The following MBLAC2 variants were observed in gnomAD, a reference collection of about 807,000 sequenced individuals.
The protein encoded by MBLAC2 is acyl-coenzyme A thioesterase MBLAC2.
In MBLAC2, 24 loss-of-function variants were observed where a neutral mutation model predicts 23.3. That is an observed-to-expected ratio of 1.03 (90% CI 0.75 to 1.45). MBLAC2 has a LOEUF of 1.45. Ranked by LOEUF, MBLAC2 falls within the 40% of genes most tolerant of loss-of-function variation. The probability of loss-of-function intolerance (pLI) is 0.00; values close to 1 mark genes in which losing one functional copy is unlikely to be tolerated. For synonymous variants in MBLAC2, 162 were observed against 150.9 expected (o/e 1.07, Z -0.54); for missense variants, 358 against 370.0 (o/e 0.97, Z 0.27).
Position 90,458,990 on chromosome 5 carries a change from A to C in MBLAC2, c.*2177T>G, listed in dbSNP as rs1750311541. On this transcript the variant is annotated 3_prime_UTR_variant, in exon 2 of 2. Transcript: ENST00000316610. ...TATAAATAAATCCTTCAGCAGGTTT[A>C]AATATTTCCTAATAAAACTTAGTGC... 1.3e-5 allele frequency: 2 copies of C among 152,604 alleles called. No homozygotes were observed. The highest frequency in any genetic ancestry group is 4.1e-4 in the South Asian group (2 of 4,830). 9.5% of individuals were successfully genotyped at this position (152,604 alleles called of 1,614,324 possible).
intron 1 of MBLAC2, among the ~76,000 whole-genome samples, chr5:90,462,270 G>A (rs902114795): frequency 1.1e-4 from 16 of 152,168 alleles, no homozygotes; most frequent in Non-Finnish European, 2.2e-4. Context: ...AACATGGGTG[G>A]AAAATTGCTC....
chr5:90,462,762 C>A (rs1195473402), intron 1 of MBLAC2, among the ~76,000 whole-genome samples: 2 of 152,040 alleles, frequency 1.3e-5, no homozygotes, highest in Non-Finnish European at 2.9e-5. Flanking sequence ...ATAAACAATT[C>A]AACAATGATA....
chr5:90,471,129 C>T (rs1750541507), intron 1 of MBLAC2, among the ~76,000 whole-genome samples: 1 of 152,144 alleles, frequency 6.6e-6, no homozygotes, highest in Non-Finnish European at 1.5e-5. Flanking sequence ...CAAAACAGTT[C>T]CCCCCGCCAA....
chr5:90,468,384 ATTTTT>A (rs1196370224), intron 1 of MBLAC2, among the ~76,000 whole-genome samples: 5 of 150,432 alleles, frequency 3.3e-5, no homozygotes, highest in African/African-American at 7.3e-5. Flanking sequence ...GGCCTTGTTC[ATTTTT>A]TTTTAATTCC....
At chr5:90,473,542 A>T (rs1750608327) in intron 1 of MBLAC2, 1 of 620,110 alleles carries the variant, frequency 1.6e-6, no homozygotes, top group African/African-American at 1.9e-5. Context: ...AAGTCTTTGT[A>T]GTGTTACTGC....
Position 90,474,521 on chromosome 5 carries a change from A to AGCAGAGGCTGCGCCACCAGCAC in MBLAC2, c.-251_-230dup, listed in dbSNP as rs1231440414. 1.8e-6 allele frequency: 1 copy of AGCAGAGGCTGCGCCACCAGCAC among 542,310 alleles called. No homozygotes were observed. The highest frequency in any genetic ancestry group is 3.5e-5 in the Admixed American group (1 of 28,202). The allele number at this position is 542,310 out of a possible 1,614,324, so 33.6% of individuals were successfully genotyped here. ...GCACCCTTCCGCCAGGTCGGCAGCA[A>AGCAGAGGCTGCGCCACCAGCAC]GCAGAGGCTGCGCCACCAGCACGGG... is the stretch of plus-strand genomic sequence containing the variant. On this transcript the variant is annotated 5_prime_UTR_variant, in exon 1 of 2. Transcript: ENST00000316610.
At chr5:90,466,384 G>A (rs1750446390) in intron 1 of MBLAC2, among the ~76,000 whole-genome samples, 1 of 152,142 alleles carries the variant, frequency 6.6e-6, no homozygotes, top group Admixed American at 6.5e-5. Context: ...CTGAAAATAA[G>A]TCATAAACCT....
chr5:90,470,871 T>C (rs891057581), intron 1 of MBLAC2, among the ~76,000 whole-genome samples: 1 of 152,104 alleles, frequency 6.6e-6, no homozygotes, highest in African/African-American at 2.4e-5. Context: ...TTTGTTTTAC[T>C]ATCCCCAGAG....
Position 90,460,043 on chromosome 5 carries a change from A to T in MBLAC2, c.*1124T>A, listed in dbSNP as rs1315447500. ...AATTATTATTAACAGCACCAAACTAAAACTTTTTACTAAATAGTGGTATAA... is the reference window on the plus strand; with the variant it reads ...AATTATTATTAACAGCACCAAACTATAACTTTTTACTAAATAGTGGTATAA... On this transcript the variant is annotated 3_prime_UTR_variant, in exon 2 of 2. Coordinates refer to ENST00000316610, the MANE Select transcript of MBLAC2 (RefSeq NM_203406.2). 3 of 152,718 alleles carry T rather than the reference A, an allele frequency of 2.0e-5. No individual in the cohort carries two copies. Among genetic ancestry groups the T allele is most frequent in the Admixed American group, 6.5e-5 (1 of 15,296 alleles). The allele number at this position is 152,718 out of a possible 1,614,324, so 9.5% of individuals were successfully genotyped here. A position where few individuals can be genotyped will look rare whatever the true frequency, so the allele number is the denominator to read the frequency against.
intron 1 of MBLAC2, among the ~76,000 whole-genome samples, chr5:90,471,008 T>G (rs890515333): frequency 3.3e-5 from 5 of 152,176 alleles, no homozygotes; most frequent in Admixed American, 6.5e-5. Flanking sequence ...CTATTGCAAA[T>G]TCCTGAGTTT....
chr5:90,462,678 TGATA>T (rs1331341804), intron 1 of MBLAC2, among the ~76,000 whole-genome samples: 3 of 152,106 alleles, frequency 2.0e-5, no homozygotes, highest in African/African-American at 7.2e-5. Context: ...ATCAATACAT[TGATA>T]AATAACAATT....
rs1750355644 is a variant in MBLAC2 at position 90,460,916 on chromosome 5, G to A, written c.*251C>T. On this transcript the variant is annotated 3_prime_UTR_variant, in exon 2 of 2. Transcript: ENST00000316610. ...TCTTTGCTTCCCCATAAACCTTTAT[G>A]TCATTTCTAGAGCATATATTACAAG... 3.0e-6 allele frequency: 1 copy of A among 336,806 alleles called. No homozygotes were observed. The highest frequency in any genetic ancestry group is 5.1e-5 in the East Asian group (1 of 19,728). The allele number at this position is 336,806 out of a possible 1,614,324, so 20.9% of individuals were successfully genotyped here.
At chr5:90,466,209 A>G (rs1353552728) in intron 1 of MBLAC2, among the ~76,000 whole-genome samples, 1 of 152,246 alleles carries the variant, frequency 6.6e-6, no homozygotes, top group African/African-American at 2.4e-5. Context: ...TAGACACAAT[A>G]TTGTCAATAG....
chr5:90,465,686 T>A (rs2151891755), intron 1 of MBLAC2, among the ~76,000 whole-genome samples: 1 of 152,252 alleles, frequency 6.6e-6, no homozygotes, highest in South Asian at 2.1e-4. Flanking sequence ...GCTCAAGGGA[T>A]CCTTCCAAGT....
In MBLAC2 at chr5:90,459,498, T is replaced by A. The variant is rs1750323959; in HGVS notation, c.*1669A>T. The A allele has an allele frequency of 6.6e-6, 1 of 152,128 alleles. No individual in the cohort carries two copies. Among genetic ancestry groups the A allele is most frequent in the African/African-American group, 2.4e-5 (1 of 41,450 alleles). The allele number at this position is 152,128 out of a possible 1,614,324, so 9.4% of individuals were successfully genotyped here. A position where few individuals can be genotyped will look rare whatever the true frequency, so the allele number is the denominator to read the frequency against. On this transcript the variant is annotated 3_prime_UTR_variant, in exon 2 of 2. Coordinates refer to ENST00000316610, the MANE Select transcript of MBLAC2 (RefSeq NM_203406.2). ...TATCCCTATTCTTGGATTGTTTTGT[T>A]TCCAACTCTGACTATCTAACAAGTT...
rs1434824698 is a variant in MBLAC2 at position 90,474,470 on chromosome 5, C to G, written c.-178G>C. On this transcript the variant is annotated 5_prime_UTR_variant, in exon 1 of 2. Coordinates refer to ENST00000316610, the MANE Select transcript of MBLAC2 (RefSeq NM_203406.2). Reference sequence around the variant, plus strand: ...GAATAGGAGGAGGAAGGACGCAGACCGACGCTGCCCGTAGCGTGCGCTCCC... The same window carrying G: ...GAATAGGAGGAGGAAGGACGCAGACGGACGCTGCCCGTAGCGTGCGCTCCC... 6 of 613,652 alleles carry G rather than the reference C, an allele frequency of 9.8e-6. No individual in the cohort carries two copies. Among genetic ancestry groups the G allele is most frequent in the Admixed American group, 3.1e-5 (1 of 32,700 alleles). 38.0% of individuals were successfully genotyped at this position (613,652 alleles called of 1,614,324 possible).
At position 90,474,607 on chromosome 5, in the gene MBLAC2, A is replaced by G. The variant is rs1454475642; in HGVS notation, c.-315T>C. On this transcript the variant is annotated 5_prime_UTR_variant, in exon 1 of 2. Coordinates refer to ENST00000316610, the MANE Select transcript of MBLAC2 (RefSeq NM_203406.2). ...ACGAGAGAGCTTTAACGCAGGGGCCACTGCAGCAGAATGGAGACTCAGGTG... is the reference window on the plus strand; with the variant it reads ...ACGAGAGAGCTTTAACGCAGGGGCCGCTGCAGCAGAATGGAGACTCAGGTG... 1 of 384,718 alleles carries G rather than the reference A, an allele frequency of 2.6e-6. No homozygotes were observed. The highest frequency in any genetic ancestry group is 4.8e-6 in the Non-Finnish European group (1 of 210,332). The allele number at this position is 384,718 out of a possible 1,614,324, so 23.8% of individuals were successfully genotyped here.
chr5:90,473,548 AC>A (rs576797212), intron 1 of MBLAC2: 290 of 627,626 alleles, frequency 4.6e-4, no homozygotes, highest in Non-Finnish European at 7.6e-4. Context: ...TTGTAGTGTT[AC>A]TGCTACAGCC....
At chr5:90,465,019 A>G (rs974821042) in intron 1 of MBLAC2, among the ~76,000 whole-genome samples, 14 of 152,230 alleles carry the variant, frequency 9.2e-5, no homozygotes, top group African/African-American at 2.7e-4. Context: ...AGACAGTGTA[A>G]TAAGCCAAGA....
Sources: allele counts gnomAD v4.1 joint callset (sites outside exome capture counted in the v4.1 genomes callset), GRCh38; gene constraint gnomAD v4.1.1; transcripts MANE v1.5; gene names NCBI Gene and HGNC (gene_info 2026-07-23, HGNC 2026-07-21).